The following CTNND2 variants were observed in gnomAD, a reference collection of about 807,000 sequenced individuals.
CTNND2 encodes the protein catenin delta-2.
CTNND2 carries 22 observed loss-of-function variants against 144.4 expected under a neutral mutation model. The ratio of observed to expected loss-of-function variants is 0.15; its 90% CI spans 0.11 to 0.22. The LOEUF (loss-of-function observed/expected upper bound fraction) is 0.22. CTNND2 is among the 10% of genes least tolerant of loss of function. The probability of loss-of-function intolerance (pLI) is 1.00; values close to 1 mark genes in which losing one functional copy is unlikely to be tolerated. For missense variants in CTNND2, 1,353 were observed against 1,618.8 expected (o/e 0.84, Z 2.82); for synonymous variants, 751 against 695.6 (o/e 1.08, Z -1.25).
In CTNND2 at chr5:11,169,689, T is replaced by C. The variant is rs1759706184; in HGVS notation, c.1976-9930A>G. 6.6e-5 allele frequency among the ~76,000 whole-genome samples: 10 copies of C among 152,304 alleles called. No individual in the cohort carries two copies. The South Asian group carries it at 1.9e-3, about 28-fold the overall frequency. ...CCTTGGGGTTTCTTTTTTTATAATA[T>C]AGGTAGCACATCTACCTCATAGGTC... On this transcript the variant is annotated intron_variant, in intron 11 of 21. Coordinates refer to ENST00000304623, the MANE Select transcript of CTNND2 (RefSeq NM_001332.4).
intron 9 of CTNND2, among the ~76,000 whole-genome samples, chr5:11,318,597 C>T (rs1751730019): frequency 6.6e-6 from 1 of 152,146 alleles, no homozygotes; most frequent in Non-Finnish European, 1.5e-5. Context: ...TCACCAGATC[C>T]TTCAACCCAA....
In CTNND2 at chr5:11,719,742, T is replaced by C. The variant is rs564349426; in HGVS notation, c.174+12394A>G. 6.6e-5 allele frequency among the ~76,000 whole-genome samples: 10 copies of C among 152,108 alleles called. No homozygotes were observed. In the South Asian group the frequency reaches 2.1e-3, roughly 32 times the overall value. On this transcript the variant is annotated intron_variant, in intron 2 of 21. Transcript: ENST00000304623. ...AAATCTTCACTCTAATTTAAGTCCC[T>C]CACAGATATTCATTCAGATTCTCCT...
chr5:11,786,792 T>C (rs557597812), intron 1 of CTNND2, among the ~76,000 whole-genome samples: 21 of 152,350 alleles, frequency 1.4e-4, no homozygotes, highest in Admixed American at 3.9e-4. Context: ...CACACTGTGC[T>C]AACTAACATA....
intron 15 of CTNND2, among the ~76,000 whole-genome samples, chr5:11,083,313 G>A (rs1018690934): frequency 1.3e-5 from 2 of 152,238 alleles, no homozygotes; most frequent in African/African-American, 4.8e-5. Context: ...TGAACGTGCT[G>A]TCAATAAGTC....
chr5:11,544,451 C>T (rs1402544437), intron 3 of CTNND2, among the ~76,000 whole-genome samples: 1 of 152,194 alleles, frequency 6.6e-6, no homozygotes, highest in African/African-American at 2.4e-5. Context: ...TAGGGATTTA[C>T]TCAAGAAAAA....
chr5:11,431,900 A>G (rs932668420), intron 3 of CTNND2, among the ~76,000 whole-genome samples: 1 of 151,990 alleles, frequency 6.6e-6, no homozygotes, highest in African/African-American at 2.4e-5. Flanking sequence ...GCACGGAAGC[A>G]CTCCTTTGTC....
intron 16 of CTNND2, among the ~76,000 whole-genome samples, chr5:11,054,679 T>C (rs570502270): frequency 1.3e-5 from 2 of 152,240 alleles, no homozygotes; most frequent in African/African-American, 4.8e-5. Flanking sequence ...TTTTGAGCAT[T>C]TTCTCTGCGA....
In CTNND2 at chr5:11,384,813, G is replaced by A. The variant is rs1363631801; in HGVS notation, c.1029C>T (p.Ser343=). The A allele has an allele frequency of 1.2e-6, 2 of 1,613,362 alleles. No individual in the cohort carries two copies. Among genetic ancestry groups the A allele is most frequent in the Non-Finnish European group, 1.7e-6 (2 of 1,179,780 alleles). ...TGGAGCTCAGCTGGTGGATGGGCGA[G>A]GAGGAGATGGTGGACTGCACGGTGG... ...SPPTVQSTIS[S]SPIHQLSSTI... is the part of the protein sequence containing the mutation. The change falls in exon 7 of 22, where the codon TCC becomes TCT. Residue 343 remains serine (S), a synonymous_variant. Transcript: ENST00000304623. The surrounding 1 kb of genome is among the most constrained non-coding windows in gnomAD (Gnocchi z 5.2).
At chr5:11,105,248 C>A (rs1752311697) in intron 14 of CTNND2, among the ~76,000 whole-genome samples, 1 of 152,262 alleles carries the variant, frequency 6.6e-6, no homozygotes, top group Non-Finnish European at 1.5e-5. Flanking sequence ...CCTGACGTGC[C>A]AACCTCCTTC....
chr5:11,262,946 T>C (rs1745066374), intron 9 of CTNND2, among the ~76,000 whole-genome samples: 1 of 152,110 alleles, frequency 6.6e-6, no homozygotes, highest in Non-Finnish European at 1.5e-5. Context: ...GAGAATCGTT[T>C]AATTTATTTA....
At chr5:11,902,770 G>A (rs1738013334) in intron 1 of CTNND2, among the ~76,000 whole-genome samples, 1 of 151,964 alleles carries the variant, frequency 6.6e-6, no homozygotes, top group African/African-American at 2.4e-5. Flanking sequence ...GCTCAAATGA[G>A]GCACACAAGA....
intron 1 of CTNND2, among the ~76,000 whole-genome samples, chr5:11,755,502 GA>G (rs1345131402): frequency 6.6e-6 from 1 of 151,634 alleles, no homozygotes; most frequent in Admixed American, 6.6e-5. Context: ...GCAAGGCTAG[GA>G]AAGTTTTCAG....
intron 11 of CTNND2, among the ~76,000 whole-genome samples, chr5:11,197,788 G>T (rs1197662740): frequency 1.3e-5 from 2 of 152,182 alleles, no homozygotes; most frequent in African/African-American, 2.4e-5. Context: ...TTTCCATTCT[G>T]TTTTAAGCCA....
chr5:11,187,400 T>C (rs544889292), intron 11 of CTNND2, among the ~76,000 whole-genome samples: 1 of 152,258 alleles, frequency 6.6e-6, no homozygotes, highest in Non-Finnish European at 1.5e-5. Context: ...TGGCTAGACA[T>C]ATGCAGAAAA....
intron 15 of CTNND2, among the ~76,000 whole-genome samples, chr5:11,083,541 G>A (rs1246274599): frequency 6.6e-6 from 1 of 152,136 alleles, no homozygotes; most frequent in Non-Finnish European, 1.5e-5. Flanking sequence ...ATGGAACACA[G>A]GTAATGCGTC....
chr5:11,317,122 C>A (rs1039995941), intron 9 of CTNND2, among the ~76,000 whole-genome samples: 4 of 152,110 alleles, frequency 2.6e-5, no homozygotes, highest in African/African-American at 9.7e-5. Flanking sequence ...CAATGAGGTA[C>A]CATCTCACAC....
chr5:10,981,416 T>C (rs1258507590), intron 21 of CTNND2, among the ~76,000 whole-genome samples: 2 of 152,262 alleles, frequency 1.3e-5, no homozygotes, highest in Non-Finnish European at 2.9e-5. Flanking sequence ...TTACAGGAGC[T>C]ACTCCATCTC....
intron 11 of CTNND2, among the ~76,000 whole-genome samples, chr5:11,192,570 T>A (rs1420332416): frequency 2.0e-5 from 3 of 151,946 alleles, no homozygotes; most frequent in Non-Finnish European, 4.4e-5. Flanking sequence ...TTTCTGGCAG[T>A]GATCAGAGGA....
intron 12 of CTNND2, among the ~76,000 whole-genome samples, chr5:11,134,803 A>G (rs1218541840): frequency 3.3e-5 from 5 of 152,222 alleles, no homozygotes; most frequent in Non-Finnish European, 7.3e-5. Flanking sequence ...TGCACACAAT[A>G]TGAGTGTAGG....
Sources: gnomAD v4.1 joint callset for allele counts (sites outside exome capture counted in the v4.1 genomes callset) on GRCh38, gnomAD v4.1.1 for gene constraint, Gnocchi (gnomAD v3.1) non-coding constraint, MANE v1.5 for transcripts, NCBI Gene and HGNC (gene_info 2026-07-23, HGNC 2026-07-21) for gene names.